Variants in KLHL1 observed in about 807,000 individuals in gnomAD.
KLHL1 encodes kelch like family member 1.
A neutral mutation model predicts 77.7 loss-of-function variants in KLHL1; 47 were observed. The observed-to-expected ratio is 0.60, with a 90% CI of 0.48 to 0.77. KLHL1 has a LOEUF of 0.77. KLHL1 is among the 30% of genes least tolerant of loss of function. The probability of loss-of-function intolerance (pLI) is 0.00; values close to 1 mark genes in which losing one functional copy is unlikely to be tolerated. For synonymous variants in KLHL1, 360 were observed against 325.2 expected, an observed-to-expected ratio of 1.11 and a Z score of -1.15; for missense variants, 925 against 910.8, an observed-to-expected ratio of 1.02 and a Z score of -0.20.
At chr13:70,024,725 C>T (rs754561478) in intron 1 of KLHL1, among the ~76,000 whole-genome samples, 3 of 149,888 alleles carry the variant, frequency 2.0e-5, no homozygotes, top group Non-Finnish European at 3.0e-5. Context: ...CAATTATGAA[C>T]GGAAGTTGGA....
intron 6 of KLHL1, among the ~76,000 whole-genome samples, chr13:69,812,043 G>A (rs1226823773): frequency 1.3e-5 from 2 of 151,978 alleles, no homozygotes; most frequent in African/African-American, 4.8e-5. Flanking sequence ...GGCGTTTAGT[G>A]CTATAAATTT....
At chr13:70,070,335 G>A (rs9572349) in intron 1 of KLHL1, among the ~76,000 whole-genome samples, 21,284 of 151,752 alleles carry the variant, frequency 0.14, 2,044 homozygotes, top group East Asian at 0.48. Flanking sequence ...AGGAGAAAGA[G>A]GACATATTGG....
chr13:69,722,915 A>G (rs1351593998), intron 8 of KLHL1, among the ~76,000 whole-genome samples: 1 of 152,098 alleles, frequency 6.6e-6, no homozygotes, highest in Non-Finnish European at 1.5e-5. Context: ...TACGGAATCA[A>G]CTAAATGCTC....
chr13:70,039,685 G>T, intron 1 of KLHL1, among the ~76,000 whole-genome samples: 1 of 145,900 alleles, frequency 6.9e-6, no homozygotes. Context: ...TGTCGCCCAG[G>T]CTAGAGAATA....
chr13:69,843,502 CTAAT>C (rs1879344483), intron 5 of KLHL1, among the ~76,000 whole-genome samples: 1 of 151,600 alleles, frequency 6.6e-6, no homozygotes, highest in South Asian at 2.1e-4. Context: ...GCTCCTTTAA[CTAAT>C]TAGGGTGGAT....
intron 1 of KLHL1, among the ~76,000 whole-genome samples, chr13:69,994,099 G>A (rs566780697): frequency 1.3e-5 from 2 of 152,198 alleles, no homozygotes; most frequent in East Asian, 3.9e-4. Context: ...TCAAGGCACA[G>A]ATAAAGAACT....
At chr13:69,993,099 T>C (rs1051109087) in intron 1 of KLHL1, among the ~76,000 whole-genome samples, 1 of 152,020 alleles carries the variant, frequency 6.6e-6, no homozygotes, top group African/African-American at 2.4e-5. Flanking sequence ...TTTTTCAATC[T>C]TATATTGAAT....
In KLHL1 at chr13:70,008,895, G is replaced by A. The variant is rs1441572; in HGVS notation, c.498-33093C>T. Among the ~76,000 whole-genome samples the A allele has an allele frequency of 1.2e-4, 18 of 151,928 alleles. No homozygotes were observed. The South Asian group carries it at 1.9e-3, about 16-fold the overall frequency. On this transcript the variant is annotated intron_variant, in intron 1 of 10. Transcript: ENST00000377844. ...TGTAATAGAAAGCAACCTCAAAAATGGATCAATATTATTATAATTCTTGTC... is the reference window on the plus strand; with the variant it reads ...TGTAATAGAAAGCAACCTCAAAAATAGATCAATATTATTATAATTCTTGTC...
At chr13:69,785,104 G>A (rs1876452527) in intron 7 of KLHL1, among the ~76,000 whole-genome samples, 2 of 151,416 alleles carry the variant, frequency 1.3e-5, no homozygotes, top group South Asian at 2.1e-4. Context: ...ATTTTAGCCG[G>A]GATGGTCTCG....
At chr13:69,972,420 T>C (rs572534578) in intron 2 of KLHL1, among the ~76,000 whole-genome samples, 1 of 152,098 alleles carries the variant, frequency 6.6e-6, no homozygotes, top group South Asian at 2.1e-4. Flanking sequence ...TAGAATAGGA[T>C]ACTTTTCTAT....
chr13:69,714,706 A>AC (rs1164429896), intron 9 of KLHL1, among the ~76,000 whole-genome samples: 1 of 151,572 alleles, frequency 6.6e-6, no homozygotes, highest in African/African-American at 2.4e-5. Context: ...TGATCCTCCC[A>AC]CCTCAGCCTC....
Position 70,027,649 on chromosome 13 carries a change from G to GTTTTTTTTTTTTTT in KLHL1, c.498-51848_498-51847insAAAAAAAAAAAAAA, listed in dbSNP as rs1185282462. Among the ~76,000 whole-genome samples, 154 of 109,262 alleles carry GTTTTTTTTTTTTTT rather than the reference G, an allele frequency of 1.4e-3. 10 individuals carry two copies. Among genetic ancestry groups the GTTTTTTTTTTTTTT allele is most frequent in the Middle Eastern group, 5.3e-3 (1 of 190 alleles). 71.7% of individuals were successfully genotyped at this position (109,262 alleles called of 152,430 possible). The stretch of plus-strand genomic sequence containing the variant: ...GGCATTTTTGAAGCGCAAAATGTAA[G>GTTTTTTTTTTTTTT]TTGTTTTTTTTTTTTTATGAACTGA... On this transcript the variant is annotated intron_variant, in intron 1 of 10. Coordinates refer to ENST00000377844, the MANE Select transcript of KLHL1 (RefSeq NM_020866.3).
chr13:69,766,699 T>C (rs1875321528), intron 7 of KLHL1, among the ~76,000 whole-genome samples: 2 of 152,140 alleles, frequency 1.3e-5, no homozygotes, highest in Admixed American at 1.3e-4. Context: ...CAGTCACAAG[T>C]CTATCTTTAG....
chr13:70,084,458 C>CTTTTTTTTT (rs1386556599), intron 1 of KLHL1, among the ~76,000 whole-genome samples: 1 of 62,758 alleles, frequency 1.6e-5, no homozygotes, highest in African/African-American at 7.1e-5. Flanking sequence ...TCTATTTCTT[C>CTTTTTTTTT]TTCTTCTTTT....
At chr13:69,735,443 A>C (rs954009546) in intron 8 of KLHL1, among the ~76,000 whole-genome samples, 1 of 150,774 alleles carries the variant, frequency 6.6e-6, no homozygotes, top group Non-Finnish European at 1.5e-5. Context: ...TTAAATGTTT[A>C]TCTTTCTAGA....
intron 1 of KLHL1, among the ~76,000 whole-genome samples, chr13:70,079,348 G>A (rs1046160278): frequency 4.6e-5 from 7 of 152,068 alleles, no homozygotes; most frequent in African/African-American, 9.7e-5. Flanking sequence ...AAGTTCCCCA[G>A]GTAATTCTCC....
intron 6 of KLHL1, among the ~76,000 whole-genome samples, chr13:69,799,417 C>T (rs1877276092): frequency 6.6e-6 from 1 of 152,150 alleles, no homozygotes; most frequent in African/African-American, 2.4e-5. Flanking sequence ...ATTTCAAAGC[C>T]TCATTCAAAT....
intron 7 of KLHL1, among the ~76,000 whole-genome samples, chr13:69,757,879 C>A (rs565969324): frequency 2.0e-5 from 3 of 146,424 alleles, no homozygotes; most frequent in Non-Finnish European, 4.5e-5. Flanking sequence ...ATCTCCTGAA[C>A]TCAGGAGGCA....
chr13:69,771,622 A>C (rs1837972927), intron 7 of KLHL1, among the ~76,000 whole-genome samples: 2 of 152,174 alleles, frequency 1.3e-5, no homozygotes, highest in East Asian at 1.9e-4. Context: ...GTAGTTATGA[A>C]AGTCTAACTT....
Sources: gnomAD v4.1 joint callset for allele counts (sites outside exome capture counted in the v4.1 genomes callset) on GRCh38, gnomAD v4.1.1 for gene constraint, MANE v1.5 for transcripts, NCBI Gene and HGNC (gene_info 2026-07-23, HGNC 2026-07-21) for gene names.